The following PSEN2 variants were observed in gnomAD, a reference collection of about 807,000 sequenced individuals.
PSEN2 encodes presenilin-2.
In PSEN2, 32 loss-of-function variants were observed where a neutral mutation model predicts 49.1. The observed-to-expected ratio is 0.65, with a 90% CI of 0.49 to 0.88. The LOEUF is 0.88. PSEN2 is among the 40% of genes least tolerant of loss of function. The probability of loss-of-function intolerance (pLI) is 0.00; values close to 1 mark genes in which losing one functional copy is unlikely to be tolerated. For missense variants in PSEN2, 522 were observed against 586.9 expected (o/e 0.89, Z 1.14); for synonymous variants, 255 against 244.0 (o/e 1.05, Z -0.42).
chr1:226,900,510 G>C (rs1662283242), downstream of PSEN2, among the ~76,000 whole-genome samples: 1 of 152,240 alleles, frequency 6.6e-6, no homozygotes, highest in Non-Finnish European at 1.5e-5. Flanking sequence ...GGGCGGCAGG[G>C]TCCTGTGGTC....
chr1:226,880,764 C>G, intron 3 of PSEN2: 1 of 1,612,096 alleles, frequency 6.2e-7, no homozygotes, highest in South Asian at 1.1e-5. Flanking sequence ...GTGTGAAACC[C>G]CACTTGGCAC....
chr1:226,874,007 C>G (rs530708486), intron 2 of PSEN2, among the ~76,000 whole-genome samples: 93 of 152,264 alleles, frequency 6.1e-4, no homozygotes, highest in African/African-American at 2.1e-3. Flanking sequence ...TGTGGGCACT[C>G]CCCACCATGG....
chr1:226,882,643 T>C (rs901138741), intron 4 of PSEN2, among the ~76,000 whole-genome samples: 1 of 152,204 alleles, frequency 6.6e-6, no homozygotes, highest in African/African-American at 2.4e-5. Flanking sequence ...TTGCCCATTA[T>C]AGAATTAAAA....
downstream of PSEN2, among the ~76,000 whole-genome samples, chr1:226,896,810 G>A (rs545931902): frequency 1.3e-5 from 2 of 152,094 alleles, no homozygotes; most frequent in Admixed American, 6.6e-5. Context: ...GCAATGAGCC[G>A]AGATCAAGCA....
chr1:226,891,509 G>A, intron 10 of PSEN2, 148 bp downstream of exon 10: 1 of 787,452 alleles, frequency 1.3e-6, no homozygotes, highest in Non-Finnish European at 2.1e-6. Flanking sequence ...GGACACATGC[G>A]GCTTGAAGAT....
intron 12 of PSEN2, among the ~76,000 whole-genome samples, chr1:226,902,724 G>T (rs1662354236): frequency 6.6e-6 from 1 of 152,168 alleles, no homozygotes; most frequent in South Asian, 2.1e-4. Flanking sequence ...TGAGCCAAGG[G>T]TCTGTCAGTG....
At chr1:226,885,268 A>G (rs1661280277) in intron 5 of PSEN2, among the ~76,000 whole-genome samples, 1 of 151,988 alleles carries the variant, frequency 6.6e-6, no homozygotes, top group African/African-American at 2.4e-5. Context: ...GGGTGGGGAA[A>G]GCAGCAGGGA....
chr1:226,894,673 T>C (rs577809107), intron 12 of PSEN2, among the ~76,000 whole-genome samples: 5 of 152,348 alleles, frequency 3.3e-5, no homozygotes, highest in Admixed American at 1.3e-4. Context: ...GGAGACGTCC[T>C]GCCGTGACTT....
intron 11 of PSEN2, among the ~76,000 whole-genome samples, chr1:226,893,080 G>A (rs1204949899): frequency 1.3e-5 from 2 of 151,892 alleles, no homozygotes; most frequent in African/African-American, 4.9e-5. Context: ...TTACAGGCAC[G>A]TGCTACCACA....
intron 2 of PSEN2, 82 bp downstream of exon 2, chr1:226,871,486 CCT>C (rs1404306545): frequency 6.6e-6 from 1 of 152,202 alleles, no homozygotes; most frequent in Non-Finnish European, 1.5e-5. Flanking sequence ...AGACCTCACC[CCT>C]GTTTATTGCC....
At chr1:226,882,833 G>A (rs984359308) in intron 4 of PSEN2, among the ~76,000 whole-genome samples, 3 of 152,226 alleles carry the variant, frequency 2.0e-5, no homozygotes, top group South Asian at 4.2e-4. Context: ...TGTTATCTCC[G>A]GGAAGTTTTG....
chr1:226,881,647 G>A (rs974061174), intron 3 of PSEN2, among the ~76,000 whole-genome samples: 3 of 152,218 alleles, frequency 2.0e-5, no homozygotes, highest in East Asian at 1.9e-4. Context: ...GTGGCTATGC[G>A]TTTTGCCCCC....
chr1:226,893,443 G>A (rs1344635872), intron 11 of PSEN2, among the ~76,000 whole-genome samples: 1 of 152,184 alleles, frequency 6.6e-6, no homozygotes, highest in Non-Finnish European at 1.5e-5. Context: ...AGTGAGCAAA[G>A]TTATCCTATA....
At chr1:226,870,832 G>C (rs1660226834) in intron 1 of PSEN2, 183 bp downstream of exon 1, 1 of 152,748 alleles carries the variant, frequency 6.5e-6, no homozygotes, top group African/African-American at 2.4e-5. Context: ...TCTGCGGCCA[G>C]CGCGGGGGCG....
At chr1:226,873,604 C>T (rs1295648) in intron 2 of PSEN2, among the ~76,000 whole-genome samples, 23,967 of 151,844 alleles carry the variant, frequency 0.16, 2,318 homozygotes, top group East Asian at 0.25. Context: ...TTATTAGAGG[C>T]GGGGTTTCAC....
At chr1:226,878,419 G>A (rs1428508191) in intron 3 of PSEN2, among the ~76,000 whole-genome samples, 1 of 152,130 alleles carries the variant, frequency 6.6e-6, no homozygotes, top group African/African-American at 2.4e-5. Flanking sequence ...GTAAGGAACT[G>A]ATTCTACTTG....
chr1:226,870,838 G>T (rs1660227583), intron 1 of PSEN2, 189 bp downstream of exon 1: 1 of 152,798 alleles, frequency 6.5e-6, no homozygotes, highest in African/African-American at 2.4e-5. Context: ...GCCAGCGCGG[G>T]GGCGGAGAGA....
chr1:226,894,246 CAA>C, intron 12 of PSEN2, 121 bp downstream of exon 12: 1 of 719,540 alleles, frequency 1.4e-6, no homozygotes, highest in Non-Finnish European at 2.3e-6. Flanking sequence ...CTCTGAGGGA[CAA>C]GAGCAGGGAG....
Position 226,870,658 on chromosome 1 carries a change from G to C in PSEN2, c.-350+9G>C, listed in dbSNP as rs947423006. On this transcript the variant is annotated intron_variant, in intron 1 of 12. Transcript: ENST00000366783. ...GCGCGGCGGCAGAGCAGGTGAGCGG[G>C]CGGTGCCGGGGGGTGCCCAGGCCAG... 6.6e-6 allele frequency: 1 copy of C among 152,186 alleles called. No homozygotes were observed. The highest frequency in any genetic ancestry group is 2.4e-5 in the African/African-American group (1 of 41,418). 9.4% of individuals were successfully genotyped at this position (152,186 alleles called of 1,614,324 possible).
Sources: gnomAD v4.1 joint callset for allele counts (sites outside exome capture counted in the v4.1 genomes callset) on GRCh38, gnomAD v4.1.1 for gene constraint, MANE v1.5 for transcripts, NCBI Gene and HGNC (gene_info 2026-07-23, HGNC 2026-07-21) for gene names.